Variants in ITGB8 observed in about 807,000 individuals in gnomAD.
ITGB8 encodes the protein integrin subunit beta 8.
Under a neutral mutation model 89.5 loss-of-function variants are expected in ITGB8, and 30 were observed. That is an observed-to-expected ratio of 0.34 (90% CI 0.25 to 0.45). The LOEUF is 0.45. ITGB8 is among the 20% of genes least tolerant of loss of function. ITGB8 has a pLI of 1.00. For missense variants in ITGB8, 836 were observed against 933.3 expected (o/e 0.90, Z 1.36); for synonymous variants, 335 against 320.4 (o/e 1.05, Z -0.49).
chr7:20,352,522 A>T (rs1785146129), intron 1 of ITGB8: 1 of 152,254 alleles, frequency 6.6e-6, no homozygotes, highest in Non-Finnish European at 1.5e-5. Flanking sequence ...TCTTCTTTCC[A>T]CATCAAATAT....
chr7:20,330,448 G>A (rs561817342), upstream of ITGB8, among the ~76,000 whole-genome samples: 399 of 152,298 alleles, frequency 2.6e-3, 5 homozygotes, highest in African/African-American at 9.3e-3. Context: ...CTGGCGCTGA[G>A]CGAGTCTCCC....
Position 20,379,056 on chromosome 7 carries a change from G to A in ITGB8, c.394G>A (p.Glu132Lys), listed in dbSNP as rs777027981. Residue 132 changes from glutamate to lysine, a missense_variant, in exon 4 of 14, where the codon GAA becomes AAA. Transcript: ENST00000222573. ...TTTTTCTTCTATTGAACTAGGAGCC[G>A]AAGCTAATTTTATGCTGAAAGTTCA... ...EVSIQLRPGAEANFMLKVHPL... is the reference protein window; with the variant it reads ...EVSIQLRPGAKANFMLKVHPL... 3.9e-5 allele frequency: 62 copies of A among 1,583,986 alleles called. No individual in the cohort carries two copies. The highest frequency in any genetic ancestry group is 1.8e-4 in the Middle Eastern group (1 of 5,500).
chr7:20,401,983 A>G lies in ITGB8; in HGVS notation c.1544A>G (p.Lys515Arg). The G allele has an allele frequency of 1.2e-6, 2 of 1,614,216 alleles. No homozygotes were observed. ...TCTTCTGAGAGTTGCAAGTCACACA[A>G]GGATCAGCCTGTTTGCAGTGGTCGA... ...QFSSESCKSH[K>R]DQPVCSGRGV... is the part of the protein sequence containing the mutation. The change falls in exon 10 of 14, where the codon AAG becomes AGG. Residue 515 changes from lysine (K) to arginine (R), a missense_variant. Around this residue, in one of 5 missense-constraint regions of ITGB8, gnomAD observed 422 missense variants for 416.9 expected, o/e 1.01. Coordinates refer to ENST00000222573, the MANE Select transcript of ITGB8 (RefSeq NM_002214.3).
At chr7:20,375,522 C>T (rs907760019) in intron 3 of ITGB8, among the ~76,000 whole-genome samples, 2 of 151,992 alleles carry the variant, frequency 1.3e-5, no homozygotes, top group African/African-American at 4.8e-5. Flanking sequence ...AGTACATGAA[C>T]AAAAAAACAA....
rs1211632268 is a variant in ITGB8, at chr7:20,405,483, T to TA, written c.1914-579_1914-578insA. Among the ~76,000 whole-genome samples, 4 of 150,664 alleles carry TA rather than the reference T, an allele frequency of 2.7e-5. No homozygotes were observed. The East Asian group carries it at 7.8e-4, about 29-fold the overall frequency. On this transcript the variant is annotated intron_variant, in intron 11 of 13. Transcript: ENST00000222573. ...CCGCCACCACGCCGGGCTAATTTTT[T>TA]TTTTTTTTGTATTTTTAGTAGAGAC... is the stretch of plus-strand genomic sequence containing the variant.
At position 20,332,107 on chromosome 7, in the gene ITGB8, A is replaced by C. The variant is rs1040985861; in HGVS notation, c.127+174A>C. On this transcript the variant is annotated intron_variant, in intron 1 of 13. Transcript: ENST00000222573. ...ACAGATGGCCTAGAGGCCAGGTGTCAAGCATTTCTGCCCTGGAGCGACAGC... is the reference window on the plus strand; with the variant it reads ...ACAGATGGCCTAGAGGCCAGGTGTCCAGCATTTCTGCCCTGGAGCGACAGC... The C allele has an allele frequency of 2.8e-5, 38 of 1,337,026 alleles. No homozygotes were observed. The African/African-American group carries it at 5.3e-4, about 19-fold the overall frequency. The allele number at this position is 1,337,026 out of a possible 1,614,324, so 82.8% of individuals were successfully genotyped here.
chr7:20,349,180 T>C (rs1178065431), intron 1 of ITGB8, among the ~76,000 whole-genome samples: 1 of 152,006 alleles, frequency 6.6e-6, no homozygotes. Flanking sequence ...TTTGTCTGAG[T>C]CTCCAAATAA....
At chr7:20,408,061 T>C (rs1289127997) in intron 12 of ITGB8, among the ~76,000 whole-genome samples, 2 of 152,206 alleles carry the variant, frequency 1.3e-5, no homozygotes, top group African/African-American at 4.8e-5. Context: ...TCTTTCAGTC[T>C]CTCTGGCTGA....
intron 12 of ITGB8, among the ~76,000 whole-genome samples, chr7:20,407,016 G>C (rs1380399238): frequency 2.6e-5 from 4 of 152,120 alleles, no homozygotes; most frequent in Non-Finnish European, 5.9e-5. Flanking sequence ...GATTAGACAT[G>C]AGGAAGTTCA....
intron 1 of ITGB8, among the ~76,000 whole-genome samples, chr7:20,353,859 G>C (rs1389363820): frequency 1.4e-5 from 2 of 143,674 alleles, no homozygotes; most frequent in Non-Finnish European, 3.0e-5. Flanking sequence ...GTGAACCCGG[G>C]AGGCGAAGCT....
At chr7:20,409,553 G>A in intron 12 of ITGB8, 62 bp from the exon 13 acceptor site, 2 of 1,119,088 alleles carry the variant, frequency 1.8e-6, no homozygotes, top group Non-Finnish European at 2.6e-6. Flanking sequence ...TTATTTACTT[G>A]ATAGACTCTT....
intron 1 of ITGB8, chr7:20,346,680 T>G: frequency 1.0e-6 from 1 of 985,134 alleles, no homozygotes; most frequent in Non-Finnish European, 1.2e-6. Context: ...AAAAGCAACG[T>G]GGACTTTCTC....
chr7:20,329,975 G>C (rs978941299), upstream of ITGB8, among the ~76,000 whole-genome samples: 20 of 152,162 alleles, frequency 1.3e-4, no homozygotes, highest in Non-Finnish European at 2.4e-4. Context: ...CAAGCAGGCA[G>C]AAGTGCCTTC....
intron 1 of ITGB8, among the ~76,000 whole-genome samples, chr7:20,355,500 A>G (rs1187695175): frequency 6.6e-6 from 1 of 152,162 alleles, no homozygotes; most frequent in Non-Finnish European, 1.5e-5. Context: ...TCTCTTCCAA[A>G]TACACGTTCA....
chr7:20,405,980 G>A, intron 11 of ITGB8, 82 bp from the exon 12 acceptor site: 1 of 821,338 alleles, frequency 1.2e-6, no homozygotes. Flanking sequence ...TTGTTATTTT[G>A]TCTTTTTTTT....
chr7:20,392,963 G>A (rs1786924090), intron 7 of ITGB8, among the ~76,000 whole-genome samples: 1 of 152,064 alleles, frequency 6.6e-6, no homozygotes. Context: ...CTTAACTATT[G>A]TCAGGCATTG....
chr7:20,385,459 C>T (rs1326189044), intron 6 of ITGB8, among the ~76,000 whole-genome samples: 1 of 152,184 alleles, frequency 6.6e-6, no homozygotes, highest in Non-Finnish European at 1.5e-5. Context: ...CATATACCTC[C>T]TCAGAATCCC....
In ITGB8 at chr7:20,414,525, A is replaced by C. The variant is rs146738900; in HGVS notation, c.*4528A>C. ...TGGAAAAATATTACATGGAACTGTCATAGTTAGGTTTTGCAGCATCTTACA... is the reference window on the plus strand; with the variant it reads ...TGGAAAAATATTACATGGAACTGTCCTAGTTAGGTTTTGCAGCATCTTACA... On this transcript the variant is annotated 3_prime_UTR_variant, in exon 14 of 14. Coordinates refer to ENST00000222573, the MANE Select transcript of ITGB8 (RefSeq NM_002214.3). 41 of 152,718 alleles carry C rather than the reference A, an allele frequency of 2.7e-4. No homozygotes were observed. In the East Asian group the frequency reaches 7.5e-3, roughly 28 times the overall value. 9.5% of individuals were successfully genotyped at this position (152,718 alleles called of 1,614,324 possible).
At chr7:20,359,746 T>G (rs1785430185) in intron 1 of ITGB8, among the ~76,000 whole-genome samples, 1 of 152,194 alleles carries the variant, frequency 6.6e-6, no homozygotes, top group Non-Finnish European at 1.5e-5. Flanking sequence ...CAGTATACTT[T>G]GAACATTCAG....
Sources: gnomAD v4.1 joint callset for allele counts (sites outside exome capture counted in the v4.1 genomes callset) on GRCh38, gnomAD v4.1.1 for gene constraint, gnomAD v4.1.1 regional missense constraint, MANE v1.5 for transcripts, NCBI Gene and HGNC (gene_info 2026-07-23, HGNC 2026-07-21) for gene names.